KCNIP4: variants seen among roughly 807,000 people sequenced by gnomAD.
The protein encoded by KCNIP4 is potassium voltage-gated channel interacting protein 4.
KCNIP4 carries 12 observed loss-of-function variants against 34.0 expected under a neutral mutation model. The observed-to-expected ratio is 0.35, with a 90% CI of 0.23 to 0.57. KCNIP4 has a LOEUF of 0.57. Among genes scored for constraint, KCNIP4 ranks in the 20% least tolerant of loss-of-function variants. The probability of loss-of-function intolerance (pLI) is 0.83; values close to 1 mark genes in which losing one functional copy is unlikely to be tolerated. For missense variants in KCNIP4, 238 were observed against 311.7 expected (o/e 0.76, Z 1.78); for synonymous variants, 124 against 102.2 (o/e 1.21, Z -1.29).
intron 1 of KCNIP4, among the ~76,000 whole-genome samples, chr4:21,670,079 T>C (rs969207727): frequency 1.3e-5 from 2 of 152,172 alleles, no homozygotes; most frequent in Admixed American, 6.5e-5. Context: ...TATAAAATAC[T>C]CATAAATGAT....
intron 1 of KCNIP4, among the ~76,000 whole-genome samples, chr4:21,271,369 G>T (rs1560238087): frequency 6.6e-6 from 1 of 152,168 alleles, no homozygotes; most frequent in Non-Finnish European, 1.5e-5. Context: ...TTTCAGTCTA[G>T]ACAAAGTAAA....
At chr4:21,943,925 G>C (rs577245699) in intron 1 of KCNIP4, among the ~76,000 whole-genome samples, 1 of 150,410 alleles carries the variant, frequency 6.6e-6, no homozygotes, top group East Asian at 2.0e-4. Flanking sequence ...TATTCATCAT[G>C]ATGAGAATAC....
intron 1 of KCNIP4, among the ~76,000 whole-genome samples, chr4:20,978,530 C>T (rs1410538452): frequency 1.3e-5 from 2 of 152,182 alleles, no homozygotes; most frequent in Non-Finnish European, 2.9e-5. Context: ...AGGAATTTCA[C>T]GTGGTGTATC....
At chr4:21,852,881 T>A (rs1335641054) in intron 1 of KCNIP4, 1 of 152,206 alleles carries the variant, frequency 6.6e-6, no homozygotes, top group Non-Finnish European at 1.5e-5. Context: ...GAACCATGAT[T>A]TCCTTACTGT....
chr4:21,580,531 G>C (rs900798037), intron 1 of KCNIP4, among the ~76,000 whole-genome samples: 2 of 152,044 alleles, frequency 1.3e-5, no homozygotes, highest in Non-Finnish European at 2.9e-5. Flanking sequence ...ACCGAATATT[G>C]TTGCATCAAA....
At chr4:21,528,317 GAC>G (rs1403026536) in intron 1 of KCNIP4, among the ~76,000 whole-genome samples, 4 of 152,046 alleles carry the variant, frequency 2.6e-5, no homozygotes, top group Admixed American at 2.6e-4. Flanking sequence ...TACAATGCTT[GAC>G]CAGCGACAGT....
chr4:20,741,949 C>T (rs1022333941), intron 5 of KCNIP4, among the ~76,000 whole-genome samples: 5 of 152,148 alleles, frequency 3.3e-5, no homozygotes, highest in South Asian at 4.1e-4. Context: ...CACCTCTATG[C>T]GAATAAACTA....
At chr4:20,874,539 T>G (rs1443581214) in intron 2 of KCNIP4, among the ~76,000 whole-genome samples, 1 of 152,150 alleles carries the variant, frequency 6.6e-6, no homozygotes, top group African/African-American at 2.4e-5. Context: ...GTCCTGACAC[T>G]CCTACCTCTA....
intron 1 of KCNIP4, among the ~76,000 whole-genome samples, chr4:21,646,236 C>T (rs1476643478): frequency 1.3e-5 from 2 of 152,150 alleles, no homozygotes; most frequent in Non-Finnish European, 2.9e-5. Flanking sequence ...TATAATATTG[C>T]TCCCAGTGAA....
chr4:20,857,917 G>A (rs777105467), intron 2 of KCNIP4, among the ~76,000 whole-genome samples: 2 of 151,906 alleles, frequency 1.3e-5, no homozygotes, highest in Non-Finnish European at 2.9e-5. Flanking sequence ...TAAGAAGATA[G>A]TTAAGCATAG....
intron 1 of KCNIP4, among the ~76,000 whole-genome samples, chr4:21,228,489 A>G (rs1029774786): frequency 6.6e-6 from 1 of 152,294 alleles, no homozygotes; most frequent in East Asian, 1.9e-4. Flanking sequence ...AGAATGGACT[A>G]ATACACAGCC....
chr4:21,552,225 T>C (rs1033700336), intron 1 of KCNIP4, among the ~76,000 whole-genome samples: 2 of 152,094 alleles, frequency 1.3e-5, no homozygotes, highest in Non-Finnish European at 2.9e-5. Flanking sequence ...AAAAATGCAT[T>C]AATCTTACCA....
chr4:21,519,519 T>C (rs774973085), intron 1 of KCNIP4, among the ~76,000 whole-genome samples: 7 of 62,132 alleles, frequency 1.1e-4, no homozygotes, highest in African/African-American at 2.4e-4. Flanking sequence ...TATATACACA[T>C]ATGTGTGTAT....
Position 20,835,446 on chromosome 4 carries a change from A to G in KCNIP4, c.288+15097T>C, listed in dbSNP as rs56767583. The stretch of plus-strand genomic sequence containing the variant: ...TAACAATTCCTTGCCCATTTCTTTT[A>G]TTATTATTATTATTTTAAAAAAACC... On this transcript the variant is annotated intron_variant, in intron 3 of 8. Coordinates refer to ENST00000382152, the MANE Select transcript of KCNIP4 (RefSeq NM_025221.6). Among the ~76,000 whole-genome samples the G allele has an allele frequency of 4.3e-3, 647 of 151,964 alleles. 8 individuals are homozygous for G. The highest frequency in any genetic ancestry group is 0.014 in the African/African-American group (593 of 41,456).
chr4:21,273,276 G>A (rs1232199671), intron 1 of KCNIP4, among the ~76,000 whole-genome samples: 15 of 152,048 alleles, frequency 9.9e-5, no homozygotes, highest in Admixed American at 9.8e-4. Flanking sequence ...CCTACCTACT[G>A]TATCCTCTAT....
intron 1 of KCNIP4, among the ~76,000 whole-genome samples, chr4:21,513,292 G>A (rs947222642): frequency 2.0e-5 from 3 of 152,110 alleles, no homozygotes; most frequent in African/African-American, 7.2e-5. Flanking sequence ...TATTCCAGAA[G>A]ACTCTCGTTC....
intron 5 of KCNIP4, among the ~76,000 whole-genome samples, chr4:20,735,002 C>A (rs1749247154): frequency 6.6e-6 from 1 of 152,092 alleles, no homozygotes; most frequent in African/African-American, 2.4e-5. Flanking sequence ...CAGCTAGAGG[C>A]TTGAGTATAA....
chr4:21,233,473 A>G (rs1758948714), intron 1 of KCNIP4, among the ~76,000 whole-genome samples: 1 of 152,078 alleles, frequency 6.6e-6, no homozygotes, highest in Non-Finnish European at 1.5e-5. Context: ...GAGTATATTT[A>G]TAGAATTGTT....
intron 5 of KCNIP4, among the ~76,000 whole-genome samples, chr4:20,747,875 A>T (rs1310599121): frequency 6.6e-6 from 1 of 152,088 alleles, no homozygotes; most frequent in African/African-American, 2.4e-5. Context: ...TCTTGACTCC[A>T]CAAAGCCATT....
Sources: gnomAD v4.1 joint callset for allele counts (sites outside exome capture counted in the v4.1 genomes callset) on GRCh38, gnomAD v4.1.1 for gene constraint, MANE v1.5 for transcripts, NCBI Gene and HGNC (gene_info 2026-07-23, HGNC 2026-07-21) for gene names.